ABTB2: variants seen among roughly 807,000 people sequenced by gnomAD.
ABTB2 encodes ankyrin repeat and BTB domain containing 2.
A neutral mutation model predicts 104.1 loss-of-function variants in ABTB2; 56 were observed. That is an observed-to-expected ratio of 0.54 (90% CI 0.43 to 0.67). ABTB2 has a LOEUF of 0.67. Ranked by LOEUF, ABTB2 falls within the 30% of genes least tolerant of loss-of-function variation. The pLI is 0.00. For synonymous variants in ABTB2, 606 were observed against 608.2 expected, an observed-to-expected ratio of 1.00 and a Z score of 0.05; for missense variants, 1,279 against 1,407.7, an observed-to-expected ratio of 0.91 and a Z score of 1.46.
At chr11:34,177,635 G>T (rs1233738830) in intron 3 of ABTB2, among the ~76,000 whole-genome samples, 1 of 152,106 alleles carries the variant, frequency 6.6e-6, no homozygotes, top group African/African-American at 2.4e-5. Flanking sequence ...ATGGTGAAAT[G>T]ATAAAAGCAA....
At chr11:34,335,163 G>A (rs28441976) in intron 1 of ABTB2, 4 of 1,265,702 alleles carry the variant, frequency 3.2e-6, no homozygotes, top group African/African-American at 1.5e-5. Context: ...TGTTGCATTA[G>A]TGAAGATGCT....
At chr11:34,237,053 G>A (rs1024093852) in intron 1 of ABTB2, among the ~76,000 whole-genome samples, 1 of 152,068 alleles carries the variant, frequency 6.6e-6, no homozygotes, top group Non-Finnish European at 1.5e-5. Flanking sequence ...AGGGGCTTTG[G>A]GGACAGAATA....
chr11:34,253,987 A>C (rs1854088458), intron 1 of ABTB2, among the ~76,000 whole-genome samples: 1 of 152,122 alleles, frequency 6.6e-6, no homozygotes, highest in Admixed American at 6.5e-5. Context: ...GGCCATGTAG[A>C]TTTGTAGTTT....
intron 11 of ABTB2, 148 bp from the exon 12 acceptor site, chr11:34,160,501 T>C (rs946780551): frequency 6.1e-6 from 4 of 653,608 alleles, no homozygotes; most frequent in African/African-American, 1.8e-5. Context: ...TGGCAAGAGA[T>C]GCCTGTTCCT....
intron 1 of ABTB2, among the ~76,000 whole-genome samples, chr11:34,295,204 ATT>A (rs1249935856): frequency 2.0e-5 from 3 of 152,130 alleles, no homozygotes; most frequent in African/African-American, 7.2e-5. Flanking sequence ...AAATAAAAAT[ATT>A]GTTATATAAG....
At chr11:34,182,638 G>C (rs1053693187) in intron 3 of ABTB2, among the ~76,000 whole-genome samples, 2 of 152,002 alleles carry the variant, frequency 1.3e-5, no homozygotes, top group Non-Finnish European at 2.9e-5. Flanking sequence ...GATTTCCCTT[G>C]TGTCTCCCCA....
chr11:34,231,874 A>G (rs4756118), intron 1 of ABTB2, among the ~76,000 whole-genome samples: 31,269 of 152,154 alleles, frequency 0.21, 3,650 homozygotes, highest in East Asian at 0.46. Flanking sequence ...AGTCATGAGA[A>G]AAACTTTAGA....
intron 1 of ABTB2, among the ~76,000 whole-genome samples, chr11:34,238,579 C>T (rs73495527): frequency 0.028 from 4,227 of 152,228 alleles, 195 homozygotes; most frequent in African/African-American, 0.098. Context: ...GTACCTACCA[C>T]GTGCCAAGTA....
At chr11:34,171,174 A>C in intron 4 of ABTB2, 103 bp from the exon 5 acceptor site, 19 of 1,258,158 alleles carry the variant, frequency 1.5e-5, no homozygotes, top group East Asian at 1.0e-4. Context: ...GAGGATGAGG[A>C]TGGGTGGGAA....
At chr11:34,218,236 T>G (rs1853571659) in intron 1 of ABTB2, among the ~76,000 whole-genome samples, 1 of 152,238 alleles carries the variant, frequency 6.6e-6, no homozygotes, top group Admixed American at 6.5e-5. Context: ...TCTCCCAGTC[T>G]GTGGCTTGTC....
At chr11:34,165,018 T>C (rs1191852042) in intron 8 of ABTB2, among the ~76,000 whole-genome samples, 197 bp from the exon 9 acceptor site, 1 of 152,164 alleles carries the variant, frequency 6.6e-6, no homozygotes, top group East Asian at 1.9e-4. Context: ...CTGCTCCCCC[T>C]CCCTGGGTCT....
intron 14 of ABTB2, among the ~76,000 whole-genome samples, chr11:34,155,538 C>G (rs557325385): frequency 6.6e-6 from 1 of 152,362 alleles, no homozygotes; most frequent in Admixed American, 6.5e-5. Flanking sequence ...TTCTGGCTGG[C>G]TGAAGAAACG....
intron 1 of ABTB2, among the ~76,000 whole-genome samples, chr11:34,344,717 C>T (rs913927284): frequency 5.3e-5 from 8 of 152,188 alleles, no homozygotes; most frequent in Admixed American, 1.3e-4. Context: ...GGTCTGATCT[C>T]GAACTCCTGG....
At chr11:34,173,962 A>G (rs969919972) in intron 3 of ABTB2, among the ~76,000 whole-genome samples, 1 of 152,122 alleles carries the variant, frequency 6.6e-6, no homozygotes, top group African/African-American at 2.4e-5. Flanking sequence ...CTCCTTCCTC[A>G]TCTGGCACCT....
At chr11:34,317,401 G>C (rs767410579) in intron 1 of ABTB2, among the ~76,000 whole-genome samples, 1 of 152,100 alleles carries the variant, frequency 6.6e-6, no homozygotes, top group African/African-American at 2.4e-5. Context: ...CCTTGATTGC[G>C]CTCTGCCCAC....
At position 34,154,555 on chromosome 11, in the gene ABTB2, CAG is replaced by C; in HGVS notation, c.2766+144_2766+145del. The C allele has an allele frequency of 1.1e-6, 1 of 894,720 alleles. No individual in the cohort carries two copies. The highest frequency in any genetic ancestry group is 2.1e-5 in the Admixed American group (1 of 47,204). The allele number at this position is 894,720 out of a possible 1,614,324, so 55.4% of individuals were successfully genotyped here. On this transcript the variant is annotated intron_variant, in intron 15 of 16. Transcript: ENST00000435224. The surrounding 1 kb of genome is among the most constrained non-coding windows in gnomAD (Gnocchi z 4.9). ...CTGGGACACGCACTGAGGCTGGGCT[CAG>C]TGGTGTGCACAGTTCCTCTTTCTGG...
At chr11:34,198,796 G>A (rs971664733) in intron 2 of ABTB2, among the ~76,000 whole-genome samples, 3 of 152,230 alleles carry the variant, frequency 2.0e-5, no homozygotes, top group Non-Finnish European at 1.5e-5. Context: ...GAAAGGATGG[G>A]CTGAAGGAGC....
intron 1 of ABTB2, among the ~76,000 whole-genome samples, chr11:34,228,672 C>A (rs904002850): frequency 1.3e-5 from 2 of 152,196 alleles, no homozygotes; most frequent in Non-Finnish European, 2.9e-5. Flanking sequence ...CCACCGCACC[C>A]AGCCTATGTT....
intron 1 of ABTB2, among the ~76,000 whole-genome samples, chr11:34,210,584 C>T (rs972649993): frequency 5.9e-5 from 9 of 152,166 alleles, no homozygotes; most frequent in African/African-American, 9.7e-5. Context: ...GCAACCATTA[C>T]GAGCGCTCTC....
Sources: gnomAD v4.1 joint callset for allele counts (sites outside exome capture counted in the v4.1 genomes callset) on GRCh38, gnomAD v4.1.1 for gene constraint, Gnocchi (gnomAD v3.1) non-coding constraint, MANE v1.5 for transcripts, NCBI Gene and HGNC (gene_info 2026-07-23, HGNC 2026-07-21) for gene names.